The following FHIP2A variants were observed in gnomAD, a reference collection of about 807,000 sequenced individuals.
FHIP2A encodes the protein FHF complex subunit HOOK interacting protein 2A.
FHIP2A carries 46 observed loss-of-function variants against 93.5 expected under a neutral mutation model. The ratio of observed to expected loss-of-function variants is 0.49; its 90% CI spans 0.39 to 0.63. The LOEUF (loss-of-function observed/expected upper bound fraction) is 0.63, where lower values mean the gene tolerates loss of function less well. Among genes scored for constraint, FHIP2A ranks in the 20% least tolerant of loss-of-function variants. FHIP2A has a pLI of 0.00. For missense variants in FHIP2A, 769 were observed against 909.7 expected, an observed-to-expected ratio of 0.85 and a Z score of 1.99; for synonymous variants, 332 against 326.5, an observed-to-expected ratio of 1.02 and a Z score of -0.18.
intron 5 of FHIP2A, 24 bp downstream of exon 5, chr10:114,836,270 T>C: frequency 6.5e-7 from 1 of 1,543,860 alleles, no homozygotes; most frequent in Non-Finnish European, 8.9e-7. Flanking sequence ...TTTATCAACT[T>C]TCAAACTGTA....
In FHIP2A at chr10:114,863,997, A is replaced by G. The variant is rs1244839570; in HGVS notation, c.*2457A>G. 1 of 1,040,662 alleles carries G rather than the reference A, an allele frequency of 9.6e-7. No homozygotes were observed. Among genetic ancestry groups the G allele is most frequent in the East Asian group, 9.9e-5 (1 of 10,122 alleles). The allele number at this position is 1,040,662 out of a possible 1,614,324, so 64.5% of individuals were successfully genotyped here. A position where few individuals can be genotyped will look rare whatever the true frequency, so the allele number is the denominator to read the frequency against. On this transcript the variant is annotated 3_prime_UTR_variant, in exon 17 of 17. Coordinates refer to ENST00000369248, the MANE Select transcript of FHIP2A (RefSeq NM_020940.4). ...GATTTGTCTTAGCCTATTGCCATATAGTACTCACCTTATAACTATGTAACT... is the reference window on the plus strand; with the variant it reads ...GATTTGTCTTAGCCTATTGCCATATGGTACTCACCTTATAACTATGTAACT...
At chr10:114,824,193 T>A (rs1004509031) in intron 1 of FHIP2A, among the ~76,000 whole-genome samples, 1 of 152,216 alleles carries the variant, frequency 6.6e-6, no homozygotes, top group Non-Finnish European at 1.5e-5. Context: ...CCCCTACAGA[T>A]ACCAACTATA....
At chr10:114,832,210 T>C (rs2083611809) in intron 2 of FHIP2A, among the ~76,000 whole-genome samples, 2 of 152,314 alleles carry the variant, frequency 1.3e-5, no homozygotes, top group South Asian at 2.1e-4. Flanking sequence ...AACTGTGATA[T>C]GTTAAAAAAT....
At chr10:114,850,716 T>A (rs551371909) in intron 13 of FHIP2A, among the ~76,000 whole-genome samples, 1 of 152,094 alleles carries the variant, frequency 6.6e-6, no homozygotes, top group South Asian at 2.1e-4. Context: ...ATAAAAAAAA[T>A]TCCTTTGCCT....
At chr10:114,884,619 A>G (rs754450744) in intron 16 of FHIP2A, among the ~76,000 whole-genome samples, 1 of 152,166 alleles carries the variant, frequency 6.6e-6, no homozygotes, top group Non-Finnish European at 1.5e-5. Context: ...CCTGTATTAA[A>G]TGAGCCAATA....
In FHIP2A at chr10:114,862,043, A is replaced by G; in HGVS notation, c.*503A>G. On this transcript the variant is annotated 3_prime_UTR_variant, in exon 17 of 17. Transcript: ENST00000369248. ...AAACTGTAAATGAGAAAAAAATACA[A>G]TTCAGAAACCATTGAATGAATTAAT... The G allele has an allele frequency of 1.0e-6, 1 of 967,678 alleles. No individual in the cohort carries two copies. Among genetic ancestry groups the G allele is most frequent in the South Asian group, 4.8e-5 (1 of 20,880 alleles). 59.9% of individuals were successfully genotyped at this position (967,678 alleles called of 1,614,324 possible). A position where few individuals can be genotyped will look rare whatever the true frequency, so the allele number is the denominator to read the frequency against.
intron 14 of FHIP2A, among the ~76,000 whole-genome samples, chr10:114,857,124 CA>C (rs751256175): frequency 1.0e-3 from 147 of 144,560 alleles, no homozygotes; most frequent in Non-Finnish European, 1.4e-3. Context: ...AAAACACAAA[CA>C]AAAAAAAAAC....
intron 16 of FHIP2A, among the ~76,000 whole-genome samples, chr10:114,884,837 C>A (rs993578082): frequency 2.7e-5 from 4 of 150,786 alleles, no homozygotes; most frequent in Admixed American, 1.3e-4. Context: ...TCGCTTGAAC[C>A]TAGGAGGCGG....
chr10:114,860,714 T>G (rs2083792579), intron 14 of FHIP2A, 35 bp from the exon 15 acceptor site: 1 of 1,517,456 alleles, frequency 6.6e-7, no homozygotes. Context: ...TATACATTAT[T>G]TTTAAATGTC....
At chr10:114,830,766 C>T in intron 1 of FHIP2A, 86 bp from the exon 2 acceptor site, 1 of 759,204 alleles carries the variant, frequency 1.3e-6, no homozygotes. Flanking sequence ...GCTACCTTTG[C>T]ATTGTAATAG....
rs542475236 is a variant in FHIP2A at position 114,892,655 on chromosome 10, A to G, written c.2193-6835A>G. Among the ~76,000 whole-genome samples the G allele has an allele frequency of 2.0e-5, 3 of 152,198 alleles. No homozygotes were observed. In the South Asian group the frequency reaches 6.2e-4, roughly 32 times the overall value. On this transcript the variant is annotated intron_variant, in intron 16 of 16. Transcript: ENST00000369250. ...TCTGTCTCAAAATAATAATAATAATAATGACAAAAATTTTAAATAATATAA... is the reference window on the plus strand; with the variant it reads ...TCTGTCTCAAAATAATAATAATAATGATGACAAAAATTTTAAATAATATAA...
intron 5 of FHIP2A, among the ~76,000 whole-genome samples, chr10:114,836,994 C>T (rs2083639830): frequency 1.3e-5 from 2 of 152,116 alleles, no homozygotes; most frequent in South Asian, 4.1e-4. Flanking sequence ...CTTAACCTCT[C>T]TGGTTCAAGT....
At chr10:114,856,957 C>T (rs976915349) in intron 14 of FHIP2A, among the ~76,000 whole-genome samples, 1 of 151,940 alleles carries the variant, frequency 6.6e-6, no homozygotes, top group African/African-American at 2.4e-5. Flanking sequence ...ACTCTTGAGC[C>T]GGGTGCAACT....
chr10:114,859,546 T>C (rs1192514647), intron 14 of FHIP2A, among the ~76,000 whole-genome samples: 2 of 152,200 alleles, frequency 1.3e-5, no homozygotes, highest in East Asian at 3.9e-4. Flanking sequence ...TGCAGCCTCC[T>C]CACTGTAGTT....
Position 114,843,946 on chromosome 10 carries a change from C to T in FHIP2A, c.1013+9C>T, listed in dbSNP as rs751137488. Reference sequence around the variant, plus strand: ...GAAGCAATTAACTGGGGGTAAGCACCGTTACTTGTATTTTCCCATAAAGGT... The same window carrying T: ...GAAGCAATTAACTGGGGGTAAGCACTGTTACTTGTATTTTCCCATAAAGGT... On this transcript the variant is annotated intron_variant, in intron 7 of 16. Transcript: ENST00000369248. 1.2e-5 allele frequency: 18 copies of T among 1,538,864 alleles called. No homozygotes were observed. In the East Asian group the frequency reaches 1.6e-4, roughly 14 times the overall value.
chr10:114,822,999 T>G (rs556339230), intron 1 of FHIP2A, among the ~76,000 whole-genome samples: 2 of 152,264 alleles, frequency 1.3e-5, no homozygotes, highest in Non-Finnish European at 1.5e-5. Flanking sequence ...GTTGCTTCAC[T>G]TGTTTACTTT....
At chr10:114,822,989 G>T (rs2083546489) in intron 1 of FHIP2A, among the ~76,000 whole-genome samples, 1 of 152,216 alleles carries the variant, frequency 6.6e-6, no homozygotes, top group African/African-American at 2.4e-5. Context: ...AAGAATGCTA[G>T]TTGCTTCACT....
At chr10:114,869,105 G>C (rs769240985), downstream of FHIP2A, among the ~76,000 whole-genome samples, 2 of 152,126 alleles carry the variant, frequency 1.3e-5, no homozygotes, top group Non-Finnish European at 2.9e-5. Flanking sequence ...AGAAAGATGA[G>C]ATGACATACA....
intron 16 of FHIP2A, among the ~76,000 whole-genome samples, chr10:114,893,636 C>T (rs1269994377): frequency 6.6e-6 from 1 of 152,092 alleles, no homozygotes; most frequent in East Asian, 1.9e-4. Context: ...CAGCATGGCT[C>T]TTCCTTACCA....
Sources: gnomAD v4.1 joint callset for allele counts (sites outside exome capture counted in the v4.1 genomes callset) on GRCh38, gnomAD v4.1.1 for gene constraint, MANE v1.5 for transcripts, NCBI Gene and HGNC (gene_info 2026-07-23, HGNC 2026-07-21) for gene names.